C1orf146: variants seen among roughly 807,000 people sequenced by gnomAD.
C1orf146 encodes the protein chromosome 1 open reading frame 146, also known as protein SPO16 homolog.
A neutral mutation model predicts 23.0 loss-of-function variants in C1orf146; 22 were observed. The ratio of observed to expected loss-of-function variants is 0.96; its 90% CI spans 0.68 to 1.36. C1orf146 has a LOEUF of 1.36. C1orf146 is among the 40% of genes most tolerant of loss of function. The pLI is 0.00. For synonymous variants in C1orf146, 59 were observed against 65.3 expected, an observed-to-expected ratio of 0.90 and a Z score of 0.47; for missense variants, 199 against 206.8, an observed-to-expected ratio of 0.96 and a Z score of 0.23.
chr1:92,245,652 G>A lies in C1orf146; in HGVS notation c.521G>A (p.Ser174Asn), dbSNP rs1421014321. ...ACACTTCAGAAGATAAAACTGAATAGTGATTCAGTTAACCCAAATTAGAGT... is the reference window on the plus strand; with the variant it reads ...ACACTTCAGAAGATAAAACTGAATAATGATTCAGTTAACCCAAATTAGAGT... ...WKTLQKIKLNSDSVNPN is the reference protein window; with the variant it reads ...WKTLQKIKLNNDSVNPN The change falls in exon 6 of 6, where the codon AGT becomes AAT. Residue 174 changes from serine to asparagine, a missense_variant. Physicochemically the swap from Ser to Asn is conservative, Grantham distance 46. Transcript: ENST00000370375. The A allele has an allele frequency of 1.9e-6, 3 of 1,582,498 alleles. No individual in the cohort carries two copies. Among genetic ancestry groups the A allele is most frequent in the Non-Finnish European group, 2.6e-6 (3 of 1,167,722 alleles).
intron 3 of C1orf146, 32 bp downstream of exon 3, chr1:92,242,337 C>T (rs1278398694): frequency 2.6e-6 from 3 of 1,137,430 alleles, no homozygotes; most frequent in African/African-American, 1.6e-5. Context: ...CCTTAAGTTT[C>T]TTATGAAATA....
chr1:92,224,490 A>G (rs915709032), intron 1 of C1orf146, among the ~76,000 whole-genome samples: 1 of 152,146 alleles, frequency 6.6e-6, no homozygotes, highest in African/African-American at 2.4e-5. Context: ...GGAGACTTAC[A>G]GTTTTATGTT....
intron 2 of C1orf146, among the ~76,000 whole-genome samples, chr1:92,233,784 A>C (rs1323191755): frequency 1.3e-5 from 2 of 151,996 alleles, no homozygotes; most frequent in African/African-American, 2.4e-5. Flanking sequence ...CTTTAATTTC[A>C]TTGAGCAGTG....
chr1:92,229,270 T>C, intron 1 of C1orf146: 11 of 556,164 alleles, frequency 2.0e-5, no homozygotes, highest in South Asian at 1.5e-4. Context: ...TACAGGTCTT[T>C]GAAGATGTCC....
intron 1 of C1orf146, among the ~76,000 whole-genome samples, chr1:92,226,314 C>T (rs190620395): frequency 1.4e-4 from 21 of 152,032 alleles, no homozygotes; most frequent in East Asian, 1.2e-3. Flanking sequence ...TTCAGATTAA[C>T]GCTAAATTCT....
In C1orf146 at chr1:92,244,531, A is replaced by G. The variant is rs149037808; in HGVS notation, c.329+146A>G. The G allele has an allele frequency of 4.1e-3, 2,935 of 722,354 alleles. 71 individuals are homozygous for G. In the African/African-American group the frequency reaches 0.045, roughly 11 times the overall value. 44.7% of individuals were successfully genotyped at this position (722,354 alleles called of 1,614,324 possible). A position where few individuals can be genotyped will look rare whatever the true frequency, so the allele number is the denominator to read the frequency against. On this transcript the variant is annotated intron_variant, in intron 4 of 5. Coordinates refer to ENST00000370375, the MANE Select transcript of C1orf146 (RefSeq NM_001012425.2). ...TTAATGAAACATGGGCCAAATAGCT[A>G]TTCTATGAATCGAGGTGACAGGGTT...
chr1:92,230,383 C>T (rs923129198), intron 1 of C1orf146, among the ~76,000 whole-genome samples: 7 of 151,672 alleles, frequency 4.6e-5, no homozygotes, highest in Non-Finnish European at 1.5e-5. Context: ...GAGGCCGAGG[C>T]GGGTGGATCA....
chr1:92,222,123 C>T (rs1184169008), intron 1 of C1orf146, among the ~76,000 whole-genome samples: 1 of 152,054 alleles, frequency 6.6e-6, no homozygotes, highest in Admixed American at 6.6e-5. Flanking sequence ...CACCTGTGGT[C>T]CCAGCTACTT....
chr1:92,220,440 C>T (rs996928277), intron 1 of C1orf146, among the ~76,000 whole-genome samples: 1 of 152,122 alleles, frequency 6.6e-6, no homozygotes, highest in African/African-American at 2.4e-5. Context: ...TGTAATTACA[C>T]AAACTTAGAT....
chr1:92,238,579 C>G (rs1403605829), intron 2 of C1orf146, among the ~76,000 whole-genome samples: 2 of 151,978 alleles, frequency 1.3e-5, no homozygotes, highest in East Asian at 1.9e-4. Flanking sequence ...ACTGTTTTCT[C>G]AATTCAATAC....
intron 2 of C1orf146, among the ~76,000 whole-genome samples, chr1:92,232,949 TG>T (rs1652170061): frequency 6.6e-6 from 1 of 152,220 alleles, no homozygotes. Context: ...CACTTTTTGA[TG>T]GGGTTGTTTG....
At chr1:92,243,314 A>G (rs576783724) in intron 3 of C1orf146, among the ~76,000 whole-genome samples, 1 of 152,080 alleles carries the variant, frequency 6.6e-6, no homozygotes, top group Non-Finnish European at 1.5e-5. Context: ...GAGATTGCAG[A>G]TATCTGCTCA....
Position 92,245,458 on chromosome 1 carries a change from G to T in C1orf146, c.409-82G>T, listed in dbSNP as rs1652583108. 6.5e-6 allele frequency: 7 copies of T among 1,078,356 alleles called. No homozygotes were observed. In the South Asian group the frequency reaches 8.8e-5, roughly 14 times the overall value. The allele number at this position is 1,078,356 out of a possible 1,614,324, so 66.8% of individuals were successfully genotyped here. On this transcript the variant is annotated intron_variant, in intron 5 of 5. Coordinates refer to ENST00000370375, the MANE Select transcript of C1orf146 (RefSeq NM_001012425.2). ...TGATCAAGAGATTTGCTGAAAGAAT[G>T]AAAGTCAGGTATTTTTAAATGTGAC...
At chr1:92,226,214 A>T (rs564945938) in intron 1 of C1orf146, among the ~76,000 whole-genome samples, 2 of 152,020 alleles carry the variant, frequency 1.3e-5, no homozygotes, top group African/African-American at 4.8e-5. Context: ...AATATTTTGT[A>T]GTACACCACT....
intron 2 of C1orf146, 78 bp downstream of exon 2, chr1:92,231,564 G>A: frequency 1.1e-6 from 1 of 909,152 alleles, no homozygotes; most frequent in Non-Finnish European, 1.7e-6. Context: ...CATTTTAAAA[G>A]GTTCTTAGCT....
intron 3 of C1orf146, among the ~76,000 whole-genome samples, chr1:92,242,522 G>T (rs1379243899): frequency 6.6e-6 from 1 of 152,060 alleles, no homozygotes; most frequent in Non-Finnish European, 1.5e-5. Flanking sequence ...AGTGGAGTCT[G>T]GTAGAAGATG....
In C1orf146 at chr1:92,245,578, A is replaced by T; in HGVS notation, c.447A>T (p.Arg149Ser). ...SKPYIDSICY[R>S]MITAKAYIIE... ...CATACATAGATAGCATTTGCTACAG[A>T]ATGATAACAGCTAAAGCTTACATCA... The change falls in exon 6 of 6, where the codon AGA becomes AGT. Residue 149 changes from arginine (R) to serine (S), a missense_variant. Transcript: ENST00000370375. The T allele has an allele frequency of 6.3e-7, 1 of 1,599,562 alleles. No individual in the cohort carries two copies. Among genetic ancestry groups the T allele is most frequent in the Non-Finnish European group, 8.5e-7 (1 of 1,174,712 alleles).
chr1:92,222,353 G>C (rs1415323984), intron 1 of C1orf146, among the ~76,000 whole-genome samples: 1 of 151,666 alleles, frequency 6.6e-6, no homozygotes, highest in Admixed American at 6.6e-5. Context: ...TATATATAAT[G>C]TAACATGCAT....
chr1:92,231,045 T>C (rs1299237152), intron 1 of C1orf146, among the ~76,000 whole-genome samples: 1 of 152,214 alleles, frequency 6.6e-6, no homozygotes, highest in South Asian at 2.1e-4. Context: ...CCTTTGTCTC[T>C]GAGTCTGTCT....
Sources: allele counts gnomAD v4.1 joint callset (sites outside exome capture counted in the v4.1 genomes callset), GRCh38; gene constraint gnomAD v4.1.1; transcripts MANE v1.5; gene names NCBI Gene and HGNC (gene_info 2026-07-23, HGNC 2026-07-21).